The following NLGN1 variants were observed in gnomAD, a reference collection of about 807,000 sequenced individuals.
The protein encoded by NLGN1 is neuroligin 1.
A neutral mutation model predicts 65.5 loss-of-function variants in NLGN1; 12 were observed. That is an observed-to-expected ratio of 0.18 (90% confidence interval 0.12 to 0.30). The LOEUF is 0.30. NLGN1 is among the 10% of genes least tolerant of loss of function. The pLI, the probability that NLGN1 is intolerant of heterozygous loss-of-function variation, is 1.00. For missense variants in NLGN1, 750 were observed against 1,007.1 expected, an observed-to-expected ratio of 0.74 and a Z score of 3.46; for synonymous variants, 350 against 359.5, an observed-to-expected ratio of 0.97 and a Z score of 0.30.
intron 4 of NLGN1, among the ~76,000 whole-genome samples, chr3:173,959,996 G>T (rs1293869999): frequency 6.6e-6 from 1 of 151,796 alleles, no homozygotes; most frequent in African/African-American, 2.4e-5. Flanking sequence ...ACTGAGATTT[G>T]TATATCAGAT....
At chr3:173,650,556 T>G (rs1292695935) in intron 3 of NLGN1, among the ~76,000 whole-genome samples, 1 of 152,178 alleles carries the variant, frequency 6.6e-6, no homozygotes, top group Middle Eastern at 3.2e-3. Flanking sequence ...GGTATCACAT[T>G]GTGCATTAAA....
chr3:174,254,090 T>C (rs911033835), intron 4 of NLGN1, among the ~76,000 whole-genome samples: 22 of 152,258 alleles, frequency 1.4e-4, no homozygotes, highest in Admixed American at 7.8e-4. Flanking sequence ...CCCCTTGGCG[T>C]TGGTAAACAA....
Position 173,406,745 on chromosome 3 carries a change from G to A in NLGN1, c.-390+8258G>A, listed in dbSNP as rs555385259. ...TTGAAAATTGCCACTGCTCTTAAGT[G>A]GTCAGAAAGCTGGGCACTTACTTTT... is the stretch of plus-strand genomic sequence containing the variant. On this transcript the variant is annotated intron_variant, in intron 1 of 6. Coordinates refer to ENST00000457714, the Ensembl canonical transcript of NLGN1. Among the ~76,000 whole-genome samples the A allele has an allele frequency of 1.8e-4, 28 of 151,814 alleles. No homozygotes were observed. In the East Asian group the frequency reaches 5.2e-3, roughly 28 times the overall value.
intron 4 of NLGN1, among the ~76,000 whole-genome samples, chr3:174,112,881 G>A (rs1715548254): frequency 6.6e-6 from 1 of 151,854 alleles, no homozygotes; most frequent in Non-Finnish European, 1.5e-5. Flanking sequence ...ATGAATTCAT[G>A]AGTATGTGCT....
intron 3 of NLGN1, among the ~76,000 whole-genome samples, chr3:173,801,133 G>T (rs1226870434): frequency 1.3e-5 from 2 of 151,900 alleles, no homozygotes; most frequent in Non-Finnish European, 2.9e-5. Context: ...ATAAGCAATA[G>T]AATATTTTCT....
At chr3:174,066,554 CTCTCTCTCTCTGTGTGTGTGTG>C (rs1738624330) in intron 4 of NLGN1, among the ~76,000 whole-genome samples, 1 of 132,998 alleles carries the variant, frequency 7.5e-6, no homozygotes, top group Non-Finnish European at 1.6e-5. Flanking sequence ...CTCTCTCTCT[CTCTCTCTCTCTGTGTGTGTGTG>C]TGTGTGTGTG....
chr3:173,963,509 T>C (rs1011461921), intron 4 of NLGN1, among the ~76,000 whole-genome samples: 3 of 152,138 alleles, frequency 2.0e-5, no homozygotes, highest in African/African-American at 7.2e-5. Context: ...GACTGAGTTA[T>C]AATTTTGGAA....
chr3:174,024,910 A>G (rs529733673), intron 4 of NLGN1, among the ~76,000 whole-genome samples: 4 of 152,314 alleles, frequency 2.6e-5, no homozygotes, highest in African/African-American at 9.6e-5. Context: ...ATTCAGTTTT[A>G]TCAGCATTTA....
intron 3 of NLGN1, among the ~76,000 whole-genome samples, chr3:173,643,762 T>C (rs1015871737): frequency 2.6e-5 from 4 of 152,142 alleles, no homozygotes; most frequent in African/African-American, 9.7e-5. Context: ...CTGAAAGAGA[T>C]AGAGTCTGGT....
At chr3:174,095,440 G>C (rs1250405236) in intron 4 of NLGN1, among the ~76,000 whole-genome samples, 1 of 151,760 alleles carries the variant, frequency 6.6e-6, no homozygotes, top group Non-Finnish European at 1.5e-5. Context: ...CATGATAGGG[G>C]AGTCACTTTC....
chr3:173,959,548 A>G (rs1713029990), intron 4 of NLGN1, among the ~76,000 whole-genome samples: 1 of 152,186 alleles, frequency 6.6e-6, no homozygotes. Flanking sequence ...GTTTTTTCCC[A>G]TTATCTAATA....
chr3:173,721,065 T>A (rs1770759943), intron 3 of NLGN1, among the ~76,000 whole-genome samples: 1 of 152,246 alleles, frequency 6.6e-6, no homozygotes. Context: ...GACTGCGTTT[T>A]GAGTGCTCAT....
chr3:174,000,044 A>C (rs1369667229), intron 4 of NLGN1, among the ~76,000 whole-genome samples: 1 of 152,104 alleles, frequency 6.6e-6, no homozygotes, highest in East Asian at 1.9e-4. Context: ...TACGTGGTGG[A>C]TACCTTAAAC....
chr3:174,211,788 G>A (rs1291335423), intron 4 of NLGN1, among the ~76,000 whole-genome samples: 3 of 151,804 alleles, frequency 2.0e-5, no homozygotes, highest in East Asian at 1.9e-4. Flanking sequence ...ACAGAGTGTC[G>A]ATTAGTGCAC....
chr3:173,549,302 C>T (rs1055205711), intron 2 of NLGN1, among the ~76,000 whole-genome samples: 1 of 151,974 alleles, frequency 6.6e-6, no homozygotes, highest in African/African-American at 2.4e-5. Context: ...AACATATTTA[C>T]AAGTTCTAAA....
chr3:173,875,863 A>G (rs913414196), intron 4 of NLGN1, among the ~76,000 whole-genome samples: 6 of 152,208 alleles, frequency 3.9e-5, no homozygotes, highest in African/African-American at 1.4e-4. Context: ...ATTAGGAAGC[A>G]ACCTCAGATA....
At chr3:173,728,287 A>G (rs1227915764) in intron 3 of NLGN1, among the ~76,000 whole-genome samples, 2 of 152,164 alleles carry the variant, frequency 1.3e-5, no homozygotes, top group Non-Finnish European at 2.9e-5. Flanking sequence ...TAAGAAACAT[A>G]AAAACAAACT....
chr3:173,425,248 A>G (rs191366946), intron 1 of NLGN1, among the ~76,000 whole-genome samples: 5 of 152,276 alleles, frequency 3.3e-5, no homozygotes, highest in African/African-American at 1.2e-4. Flanking sequence ...GGGGATTACA[A>G]TTCACGATGA....
intron 4 of NLGN1, among the ~76,000 whole-genome samples, chr3:173,845,618 AG>A (rs1422040676): frequency 1.3e-5 from 2 of 150,736 alleles, no homozygotes; most frequent in East Asian, 2.0e-4. Flanking sequence ...ATAGATAGAT[AG>A]ATAGATAGAT....
Sources: allele counts gnomAD v4.1 joint callset (sites outside exome capture counted in the v4.1 genomes callset), GRCh38; gene constraint gnomAD v4.1.1; transcripts MANE v1.5; gene names NCBI Gene and HGNC (gene_info 2026-07-23, HGNC 2026-07-21).